ST6GALNAC3: variants seen among roughly 807,000 people sequenced by gnomAD.
ST6GALNAC3 encodes ST6 N-acetylgalactosaminide alpha-2,6-sialyltransferase 3.
In ST6GALNAC3, 25 loss-of-function variants were observed where a neutral mutation model predicts 32.7. The ratio of observed to expected loss-of-function variants is 0.76; its 90% CI spans 0.56 to 1.07. The LOEUF is 1.07. ST6GALNAC3 is among the 50% of genes least tolerant of loss of function. ST6GALNAC3 has a pLI of 0.00. For missense variants in ST6GALNAC3, 355 were observed against 382.4 expected, an observed-to-expected ratio of 0.93 and a Z score of 0.60; for synonymous variants, 129 against 133.1, an observed-to-expected ratio of 0.97 and a Z score of 0.21.
chr1:76,445,773 A>C (rs554322000), intron 3 of ST6GALNAC3, among the ~76,000 whole-genome samples: 3 of 152,330 alleles, frequency 2.0e-5, no homozygotes, highest in Non-Finnish European at 4.4e-5. Flanking sequence ...TTATGAAAAT[A>C]ATGCATGCAT....
At chr1:76,485,851 G>A (rs545918866) in intron 3 of ST6GALNAC3, among the ~76,000 whole-genome samples, 1 of 152,130 alleles carries the variant, frequency 6.6e-6, no homozygotes, top group Non-Finnish European at 1.5e-5. Context: ...GCTTTCTCTT[G>A]TGGACATTTA....
intron 3 of ST6GALNAC3, among the ~76,000 whole-genome samples, chr1:76,495,944 C>G (rs1660822889): frequency 6.6e-6 from 1 of 152,166 alleles, no homozygotes; most frequent in African/African-American, 2.4e-5. Flanking sequence ...GCTCATCAAG[C>G]TGGGCAATCT....
At chr1:76,213,934 G>A (rs946419628) in intron 1 of ST6GALNAC3, among the ~76,000 whole-genome samples, 3 of 152,154 alleles carry the variant, frequency 2.0e-5, no homozygotes, top group South Asian at 2.1e-4. Flanking sequence ...AATGCTTACC[G>A]TATATGACTG....
intron 2 of ST6GALNAC3, among the ~76,000 whole-genome samples, chr1:76,377,477 A>AG: frequency 6.6e-6 from 1 of 150,838 alleles, no homozygotes; most frequent in East Asian, 2.0e-4. Context: ...AGAGAGAGAG[A>AG]AGGGGAAAGT....
At chr1:76,290,537 C>T (rs555688602) in intron 1 of ST6GALNAC3, among the ~76,000 whole-genome samples, 1 of 152,112 alleles carries the variant, frequency 6.6e-6, no homozygotes, top group African/African-American at 2.4e-5. Context: ...TATGTGGGTA[C>T]GTGTCTACAG....
chr1:76,190,793 A>C (rs963623363), intron 1 of ST6GALNAC3, among the ~76,000 whole-genome samples: 5 of 152,230 alleles, frequency 3.3e-5, no homozygotes, highest in African/African-American at 1.2e-4. Flanking sequence ...GACATCTAAA[A>C]AGAGCAAGAA....
chr1:76,231,234 C>G (rs1437761257), intron 1 of ST6GALNAC3, among the ~76,000 whole-genome samples: 1 of 152,190 alleles, frequency 6.6e-6, no homozygotes, highest in African/African-American at 2.4e-5. Flanking sequence ...GCTGAGCTAA[C>G]AGATGGCTAC....
chr1:76,229,827 C>T (rs765841170), intron 1 of ST6GALNAC3, among the ~76,000 whole-genome samples: 4 of 152,116 alleles, frequency 2.6e-5, no homozygotes, highest in Non-Finnish European at 5.9e-5. Context: ...TAAATGTCAA[C>T]GCATGCATTA....
chr1:76,531,213 C>T (rs945814459), intron 3 of ST6GALNAC3, among the ~76,000 whole-genome samples: 2 of 152,114 alleles, frequency 1.3e-5, no homozygotes, highest in East Asian at 1.9e-4. Flanking sequence ...ACTCTTGGGC[C>T]GCTCAGAAAA....
intron 1 of ST6GALNAC3, among the ~76,000 whole-genome samples, chr1:76,143,435 G>A (rs1410163349): frequency 4.6e-5 from 6 of 129,110 alleles, no homozygotes; most frequent in African/African-American, 1.6e-4. Context: ...CCGTCTGTGT[G>A]TGCATGTATT....
rs138882653 is a variant in ST6GALNAC3 at position 76,343,370 on chromosome 1, G to A, written c.213+29371G>A. 6.1e-3 allele frequency among the ~76,000 whole-genome samples: 924 copies of A among 152,182 alleles called. 3 individuals carry two copies. Among genetic ancestry groups the A allele is most frequent in the African/African-American group, 0.021 (877 of 41,528 alleles). On this transcript the variant is annotated intron_variant, in intron 2 of 4. Coordinates refer to ENST00000328299, the MANE Select transcript of ST6GALNAC3 (RefSeq NM_152996.4). ...TCTTTTGTATAACCTGAACTTTTATGTCAGTTCAGGAATATAAGAGGAAAA... is the reference window on the plus strand; with the variant it reads ...TCTTTTGTATAACCTGAACTTTTATATCAGTTCAGGAATATAAGAGGAAAA...
chr1:76,288,483 C>G (rs926947760), intron 1 of ST6GALNAC3, among the ~76,000 whole-genome samples: 17 of 152,164 alleles, frequency 1.1e-4, no homozygotes, highest in Non-Finnish European at 4.4e-5. Context: ...TCTAAGCAGT[C>G]CTCACCACTA....
At chr1:76,617,022 C>A (rs2100689391) in intron 3 of ST6GALNAC3, among the ~76,000 whole-genome samples, 1 of 152,160 alleles carries the variant, frequency 6.6e-6, no homozygotes, top group South Asian at 2.1e-4. Flanking sequence ...GTACTGGAGC[C>A]CTAAGCAACA....
At chr1:76,129,408 C>T (rs1043417949) in intron 1 of ST6GALNAC3, among the ~76,000 whole-genome samples, 2 of 152,112 alleles carry the variant, frequency 1.3e-5, no homozygotes, top group Non-Finnish European at 2.9e-5. Context: ...GCTCCTCTAC[C>T]CCTGCCAAAC....
intron 3 of ST6GALNAC3, among the ~76,000 whole-genome samples, chr1:76,459,828 A>G (rs1365011942): frequency 6.6e-6 from 1 of 152,148 alleles, no homozygotes; most frequent in East Asian, 1.9e-4. Context: ...TACTTCATTC[A>G]TTTTTATGAC....
intron 3 of ST6GALNAC3, among the ~76,000 whole-genome samples, chr1:76,611,082 T>TATAC (rs34022589): frequency 2.2e-3 from 341 of 151,768 alleles, no homozygotes; most frequent in African/African-American, 7.8e-3. Flanking sequence ...TATATATATA[T>TATAC]ACACACACAC....
At chr1:76,571,326 C>G (rs1283815985) in intron 3 of ST6GALNAC3, among the ~76,000 whole-genome samples, 1 of 152,004 alleles carries the variant, frequency 6.6e-6, no homozygotes, top group East Asian at 1.9e-4. Flanking sequence ...GTTTCTAGAC[C>G]TTAGCTGGAA....
At chr1:76,612,711 C>A (rs772233627) in intron 3 of ST6GALNAC3, among the ~76,000 whole-genome samples, 2 of 152,168 alleles carry the variant, frequency 1.3e-5, no homozygotes, top group Admixed American at 6.5e-5. Context: ...TGGGCACCAT[C>A]CTGAATGCAT....
chr1:76,614,821 A>G (rs1648189339), intron 3 of ST6GALNAC3, among the ~76,000 whole-genome samples: 1 of 151,704 alleles, frequency 6.6e-6, no homozygotes, highest in Non-Finnish European at 1.5e-5. Flanking sequence ...ACCGGTAGCA[A>G]TGGTGGAAAA....
Sources: gnomAD v4.1 joint callset for allele counts (sites outside exome capture counted in the v4.1 genomes callset) on GRCh38, gnomAD v4.1.1 for gene constraint, MANE v1.5 for transcripts, NCBI Gene and HGNC (gene_info 2026-07-23, HGNC 2026-07-21) for gene names.